Variants in ASAP1 observed in about 807,000 individuals in gnomAD.
ASAP1 encodes ArfGAP with SH3 domain, ankyrin repeat and PH domain 1.
Under a neutral mutation model 145.2 loss-of-function variants are expected in ASAP1, and 43 were observed. That is an observed-to-expected ratio of 0.30 (90% confidence interval 0.23 to 0.38). ASAP1 has a LOEUF of 0.38. Among genes scored for constraint, ASAP1 ranks in the 10% least tolerant of loss-of-function variants. The pLI is 1.00. For missense variants in ASAP1, 1,018 were observed against 1,355.3 expected, an observed-to-expected ratio of 0.75 and a Z score of 3.91; for synonymous variants, 546 against 515.5, an observed-to-expected ratio of 1.06 and a Z score of -0.80.
At chr8:130,076,242 A>G in intron 27 of ASAP1, 106 bp downstream of exon 27, 1 of 706,880 alleles carries the variant, frequency 1.4e-6, no homozygotes, top group Non-Finnish European at 2.4e-6. Context: ...GTGCTGCTCT[A>G]GGCATTTGGG....
At chr8:130,295,036 G>A (rs55637017) in intron 3 of ASAP1, among the ~76,000 whole-genome samples, 1 of 152,160 alleles carries the variant, frequency 6.6e-6, no homozygotes, top group African/African-American at 2.4e-5. Context: ...GGCTGAGGTG[G>A]GAGGATTGCT....
chr8:130,185,766 A>T (rs1447670147), intron 7 of ASAP1, among the ~76,000 whole-genome samples: 2 of 151,768 alleles, frequency 1.3e-5, no homozygotes, highest in African/African-American at 4.8e-5. Context: ...AAAAAGAAAA[A>T]AAAAGAAAAG....
chr8:130,101,053 A>T (rs1230147719), intron 24 of ASAP1, among the ~76,000 whole-genome samples: 1 of 152,114 alleles, frequency 6.6e-6, no homozygotes, highest in Non-Finnish European at 1.5e-5. Flanking sequence ...TCCCCAATGT[A>T]TGTTCTTTGC....
At chr8:130,179,516 C>T (rs933020865) in intron 8 of ASAP1, among the ~76,000 whole-genome samples, 167 bp from the exon 9 acceptor site, 1 of 152,128 alleles carries the variant, frequency 6.6e-6, no homozygotes, top group Non-Finnish European at 1.5e-5. Flanking sequence ...GTGTTCAAAA[C>T]AAATTGACTA....
chr8:130,380,725 A>C (rs1196145216), intron 2 of ASAP1, among the ~76,000 whole-genome samples: 1 of 152,094 alleles, frequency 6.6e-6, no homozygotes, highest in Admixed American at 6.5e-5. Flanking sequence ...GAACACATGA[A>C]ATTAATTTAA....
At chr8:130,270,349 T>C (rs1297082783) in intron 3 of ASAP1, among the ~76,000 whole-genome samples, 1 of 152,228 alleles carries the variant, frequency 6.6e-6, no homozygotes, top group Non-Finnish European at 1.5e-5. Context: ...ACCTGCAGTT[T>C]GAATACTTCT....
At chr8:130,169,100 G>T in intron 9 of ASAP1, 33 bp from the exon 10 acceptor site, 3 of 1,227,336 alleles carry the variant, frequency 2.4e-6, no homozygotes, top group Non-Finnish European at 3.4e-6. Flanking sequence ...TTTACCACCA[G>T]TATAAAAAAA....
chr8:130,057,958 C>T lies in ASAP1; in HGVS notation c.3311G>A (p.Trp1104Ter). ...IIVTGEEDQE[W>*]WIGHIEGQPE... is the part of the protein sequence containing the mutation. The stretch of plus-strand genomic sequence containing the variant: ...TGGATGGATATTCGTACGTACCCAC[C>T]ACTCCTGGTCCTCTTCCCCTGTGAC... Residue 1104 changes from tryptophan (W) to a stop codon, truncating the protein, a stop_gained, in exon 29 of 30, where the codon TGG becomes TAG. Coordinates refer to ENST00000518721, the MANE Select transcript of ASAP1 (RefSeq NM_018482.4). LOFTEE classifies it high-confidence loss of function. The T allele has an allele frequency of 6.2e-7, 1 of 1,614,182 alleles. No individual in the cohort carries two copies. The highest frequency in any genetic ancestry group is 8.5e-7 in the Non-Finnish European group (1 of 1,180,006).
chr8:130,165,188 C>T (rs546982154), intron 11 of ASAP1, among the ~76,000 whole-genome samples: 1 of 152,108 alleles, frequency 6.6e-6, no homozygotes, highest in Non-Finnish European at 1.5e-5. Flanking sequence ...CTAGCATGAG[C>T]GGAACACTTA....
intron 4 of ASAP1, among the ~76,000 whole-genome samples, chr8:130,223,966 A>G (rs1817445616): frequency 6.6e-6 from 1 of 152,168 alleles, no homozygotes; most frequent in African/African-American, 2.4e-5. Flanking sequence ...TCCTGTCTGT[A>G]AGTTCCATCA....
At chr8:130,437,620 AC>A (rs71983233) in intron 1 of ASAP1, among the ~76,000 whole-genome samples, 13,508 of 152,294 alleles carry the variant, frequency 0.089, 771 homozygotes, top group African/African-American at 0.16. Context: ...AGATAGATAG[AC>A]TAACTACAAT....
In ASAP1 at chr8:130,180,760, T is replaced by A; in HGVS notation, c.651A>T (p.Gln217His). 6.2e-7 allele frequency: 1 copy of A among 1,610,856 alleles called. No individual in the cohort carries two copies. The highest frequency in any genetic ancestry group is 8.5e-7 in the Non-Finnish European group (1 of 1,179,152). ...AAAAGTCCATTCTTACTTCACACAT[T>A]TGGAGCTGAAAGAGGCGCCTTTCCT... Reference protein sequence around the residue: ...MEKERRLFQLQMCEYLIKVNE... With the variant: ...MEKERRLFQLHMCEYLIKVNE... The change falls in exon 8 of 30, where the codon CAA (glutamine) becomes CAT (histidine). Residue 217 changes from glutamine to histidine, a missense_variant. Physicochemically the swap from Gln to His is conservative, Grantham distance 24. Around this residue, in one of 9 missense-constraint regions of ASAP1, gnomAD observed 78 missense variants for 161.0 expected, o/e 0.48. Transcript: ENST00000518721.
At position 130,358,298 on chromosome 8, in the gene ASAP1, G is replaced by A. The variant is rs998978674; in HGVS notation, c.60-155C>T. Among the ~76,000 whole-genome samples the A allele has an allele frequency of 6.7e-6, 1 of 149,914 alleles. No homozygotes were observed. Among genetic ancestry groups the A allele is most frequent in the African/African-American group, 2.4e-5 (1 of 41,152 alleles). ...CGGCTCCCGTCCCCGGCAGCGGCGA[G>A]AGGGAGGGAAGGAGGCGGGCGAAGG... On this transcript the variant is annotated intron_variant, in intron 2 of 29. Transcript: ENST00000518721. The surrounding 1 kb of genome is among the most constrained non-coding windows in gnomAD (Gnocchi z 4.1).
At chr8:130,071,838 G>GTA (rs953013539) in intron 27 of ASAP1, among the ~76,000 whole-genome samples, 21 of 152,184 alleles carry the variant, frequency 1.4e-4, no homozygotes, top group African/African-American at 4.8e-4. Context: ...TAATGATTGT[G>GTA]TATATATATG....
Position 130,112,146 on chromosome 8 carries a change from G to T in ASAP1, c.2349C>A (p.Pro783=). Residue 783 remains proline (P), a synonymous_variant, in exon 24 of 30, where the codon CCC becomes CCA. Coordinates refer to ENST00000518721, the MANE Select transcript of ASAP1 (RefSeq NM_018482.4). ...QIFVSTSTDS[P]TSPTTEAPPL... is the part of the protein sequence containing the mutation. Reference sequence around the variant, plus strand: ...GGGGAGCCTCCGTGGTTGGTGATGTGGGCGAGTCTGTGCTTGTGGAAACGA... The same window carrying T: ...GGGGAGCCTCCGTGGTTGGTGATGTTGGCGAGTCTGTGCTTGTGGAAACGA... The T allele has an allele frequency of 4.3e-6, 7 of 1,614,142 alleles. No individual in the cohort carries two copies. The highest frequency in any genetic ancestry group is 5.9e-6 in the Non-Finnish European group (7 of 1,180,032).
At chr8:130,152,936 A>C in intron 12 of ASAP1, 131 bp from the exon 13 acceptor site, 1 of 610,736 alleles carries the variant, frequency 1.6e-6, no homozygotes, top group Non-Finnish European at 2.7e-6. Context: ...CCCCCAAAAA[A>C]ATCCTGGTTG....
chr8:130,232,907 T>C (rs1388772855), intron 4 of ASAP1, among the ~76,000 whole-genome samples: 2 of 152,218 alleles, frequency 1.3e-5, no homozygotes, highest in East Asian at 3.8e-4. Flanking sequence ...GTTCAGCTTC[T>C]TGTGGTTTCT....
At chr8:130,393,431 TAAAC>T (rs1440572289) in intron 2 of ASAP1, among the ~76,000 whole-genome samples, 5 of 152,128 alleles carry the variant, frequency 3.3e-5, no homozygotes, top group Non-Finnish European at 7.3e-5. Flanking sequence ...GGTACTCTTT[TAAAC>T]ATTTGATCCC....
chr8:130,355,770 T>C (rs572245407), intron 3 of ASAP1, among the ~76,000 whole-genome samples: 3 of 152,270 alleles, frequency 2.0e-5, no homozygotes, highest in South Asian at 4.1e-4. Context: ...TATCCTTCAG[T>C]AAAAAAACCT....
Sources: gnomAD v4.1 joint callset for allele counts (sites outside exome capture counted in the v4.1 genomes callset) on GRCh38, gnomAD v4.1.1 for gene constraint, gnomAD v4.1.1 regional missense constraint, Gnocchi (gnomAD v3.1) non-coding constraint, MANE v1.5 for transcripts, NCBI Gene and HGNC (gene_info 2026-07-23, HGNC 2026-07-21) for gene names.